Variants in EVA1C observed in about 807,000 individuals in gnomAD.
The protein encoded by EVA1C is eva-1 homolog C.
A neutral mutation model predicts 45.4 loss-of-function variants in EVA1C; 25 were observed. That is an observed-to-expected ratio of 0.55 (90% confidence interval 0.40 to 0.77). The LOEUF is 0.77. EVA1C is among the 30% of genes least tolerant of loss of function. The probability of loss-of-function intolerance (pLI) is 0.00; values close to 1 mark genes in which losing one functional copy is unlikely to be tolerated. For missense variants in EVA1C, 479 were observed against 554.8 expected (o/e 0.86, Z 1.37); for synonymous variants, 190 against 221.2 (o/e 0.86, Z 1.25).
intron 5 of EVA1C, among the ~76,000 whole-genome samples, chr21:32,495,584 G>A (rs1344058872): frequency 1.3e-5 from 2 of 152,134 alleles, no homozygotes; most frequent in Non-Finnish European, 1.5e-5. Flanking sequence ...GGCCCTAAAT[G>A]ACTAACTCTC....
At chr21:32,422,908 TA>T (rs1158933227) in intron 1 of EVA1C, among the ~76,000 whole-genome samples, 1 of 151,654 alleles carries the variant, frequency 6.6e-6, no homozygotes, top group East Asian at 1.9e-4. Context: ...ATGTCTGTAC[TA>T]AAAATACAAA....
chr21:32,424,668 T>C (rs2034418475), intron 1 of EVA1C, among the ~76,000 whole-genome samples: 2 of 152,214 alleles, frequency 1.3e-5, no homozygotes, highest in South Asian at 4.1e-4. Flanking sequence ...AAAGAGGTCT[T>C]GAGAACCCCA....
chr21:32,495,261 C>T (rs2037312808), intron 5 of EVA1C, 91 bp downstream of exon 5: 2 of 1,380,258 alleles, frequency 1.4e-6, no homozygotes, highest in East Asian at 4.7e-5. Context: ...TTGCCCAGAA[C>T]AAGCCAAACA....
chr21:32,425,308 C>T (rs2034447163), intron 1 of EVA1C, among the ~76,000 whole-genome samples: 1 of 126,438 alleles, frequency 7.9e-6, no homozygotes, highest in Non-Finnish European at 1.6e-5. Context: ...GCACCGCAGC[C>T]TGGGAGACAG....
intron 1 of EVA1C, among the ~76,000 whole-genome samples, chr21:32,429,522 T>G (rs2034617175): frequency 6.6e-6 from 1 of 150,896 alleles, no homozygotes; most frequent in Admixed American, 6.6e-5. Context: ...CCCAGCTAAT[T>G]TTTGTATTTT....
chr21:32,433,469 T>C (rs916469611), intron 1 of EVA1C, among the ~76,000 whole-genome samples: 1 of 152,156 alleles, frequency 6.6e-6, no homozygotes, highest in African/African-American at 2.4e-5. Flanking sequence ...TGGCGCGTTA[T>C]CAGGATGTGT....
chr21:32,504,044 A>G (rs535010450), intron 7 of EVA1C, 29 bp downstream of exon 7: 1 of 1,430,336 alleles, frequency 7.0e-7, no homozygotes, highest in East Asian at 2.3e-5. Flanking sequence ...GCTTCCTAGA[A>G]TGCTGATGGA....
chr21:32,482,653 C>T (rs2036828042), intron 4 of EVA1C, among the ~76,000 whole-genome samples: 2 of 152,140 alleles, frequency 1.3e-5, no homozygotes, highest in Admixed American at 6.5e-5. Context: ...ACCCACATGC[C>T]TCGAACCCCA....
intron 5 of EVA1C, chr21:32,497,248 A>T (rs185294867): frequency 1.3e-6 from 1 of 776,108 alleles, no homozygotes; most frequent in African/African-American, 1.7e-5. Flanking sequence ...CAAATGTTTT[A>T]GAAGCTTGTG....
chr21:32,419,886 G>A (rs2034197543), intron 1 of EVA1C, among the ~76,000 whole-genome samples: 1 of 152,154 alleles, frequency 6.6e-6, no homozygotes, highest in African/African-American at 2.4e-5. Flanking sequence ...GTATCCTTCT[G>A]TAAGGAAATG....
At chr21:32,472,052 A>G (rs1028172891) in intron 4 of EVA1C, among the ~76,000 whole-genome samples, 2 of 152,254 alleles carry the variant, frequency 1.3e-5, no homozygotes, top group Non-Finnish European at 2.9e-5. Flanking sequence ...AGCAGAATTC[A>G]GTTGGCCAAG....
intron 4 of EVA1C, among the ~76,000 whole-genome samples, chr21:32,491,681 CAAAAAAAAAAA>C (rs34286023): frequency 6.9e-5 from 4 of 57,682 alleles, no homozygotes; most frequent in Admixed American, 2.2e-4. Context: ...GAGACTCTGT[CAAAAAAAAAAA>C]AAAAAAAAAA....
intron 5 of EVA1C, among the ~76,000 whole-genome samples, chr21:32,499,021 G>C (rs1174309648): frequency 6.6e-6 from 1 of 152,198 alleles, no homozygotes; most frequent in Non-Finnish European, 1.5e-5. Flanking sequence ...CACATTCCCT[G>C]CAGTGGCCTG....
chr21:32,423,694 A>G (rs1276193844), intron 1 of EVA1C, among the ~76,000 whole-genome samples: 1 of 152,096 alleles, frequency 6.6e-6, no homozygotes, highest in African/African-American at 2.4e-5. Flanking sequence ...TGCTCACTCA[A>G]GCCTCTGGAA....
chr21:32,440,596 G>GT (rs2035138399), intron 1 of EVA1C, among the ~76,000 whole-genome samples: 1 of 151,932 alleles, frequency 6.6e-6, no homozygotes, highest in Non-Finnish European at 1.5e-5. Context: ...TTTAAAATTG[G>GT]TTGACAGATG....
chr21:32,433,369 G>A (rs1446357481), intron 1 of EVA1C: 9 of 152,392 alleles, frequency 5.9e-5, no homozygotes, highest in African/African-American at 2.2e-4. Context: ...GCCTCCTGGT[G>A]TTCCCTGAAC....
At chr21:32,421,274 G>C (rs946152150) in intron 1 of EVA1C, among the ~76,000 whole-genome samples, 1 of 152,224 alleles carries the variant, frequency 6.6e-6, no homozygotes, top group Non-Finnish European at 1.5e-5. Flanking sequence ...GATTTAACAG[G>C]TGCCTGAGCG....
In EVA1C at chr21:32,460,284, T is replaced by C. The variant is rs61098579; in HGVS notation, c.481+2564T>C. 7.9e-3 allele frequency among the ~76,000 whole-genome samples: 1,199 copies of C among 152,256 alleles called. 13 individuals carry two copies. Among genetic ancestry groups the C allele is most frequent in the African/African-American group, 0.028 (1,148 of 41,532 alleles). On this transcript the variant is annotated intron_variant, in intron 3 of 7. Transcript: ENST00000300255. The stretch of plus-strand genomic sequence containing the variant: ...CAGCTGGTTCCTTCTCCTTGTGTAA[T>C]TTCCACCCCAAACAGCACCTTTCAA...
At chr21:32,464,694 T>C (rs779455130) in intron 3 of EVA1C, among the ~76,000 whole-genome samples, 2 of 152,028 alleles carry the variant, frequency 1.3e-5, no homozygotes, top group Non-Finnish European at 2.9e-5. Context: ...TGGTGGCGCA[T>C]GCCTGTAATC....
Sources: gnomAD v4.1 joint callset for allele counts (sites outside exome capture counted in the v4.1 genomes callset) on GRCh38, gnomAD v4.1.1 for gene constraint, MANE v1.5 for transcripts, NCBI Gene and HGNC (gene_info 2026-07-23, HGNC 2026-07-21) for gene names.